PYGB: variants seen among roughly 807,000 people sequenced by gnomAD.
PYGB encodes the protein glycogen phosphorylase, brain form.
In PYGB, 82 loss-of-function variants were observed where a neutral mutation model predicts 94.3. The observed-to-expected ratio is 0.87, with a 90% CI of 0.73 to 1.04. The LOEUF is 1.04. Ranked by LOEUF, PYGB falls within the 50% of genes least tolerant of loss-of-function variation. The pLI is 0.00. For synonymous variants in PYGB, 488 were observed against 479.1 expected, an observed-to-expected ratio of 1.02 and a Z score of -0.24; for missense variants, 1,132 against 1,158.2, an observed-to-expected ratio of 0.98 and a Z score of 0.33.
chr20:25,291,557 C>T (rs2088467668), intron 16 of PYGB, among the ~76,000 whole-genome samples: 1 of 152,216 alleles, frequency 6.6e-6, no homozygotes, highest in Admixed American at 6.5e-5. Context: ...TGGTGCCTGG[C>T]AGGCGAGGTC....
chr20:25,248,171 C>G lies in PYGB; in HGVS notation c.-8C>G. 1 of 1,587,718 alleles carries G rather than the reference C, an allele frequency of 6.3e-7. No homozygotes were observed. The highest frequency in any genetic ancestry group is 2.3e-5 in the East Asian group (1 of 42,752). On this transcript the variant is annotated 5_prime_UTR_variant, in exon 1 of 20. Transcript: ENST00000216962. Reference sequence around the variant, plus strand: ...CTCCATCTCTTTTCCTCCGCCTCCGCCGGCGCGATGGCGAAGCCGCTGACG... The same window carrying G: ...CTCCATCTCTTTTCCTCCGCCTCCGGCGGCGCGATGGCGAAGCCGCTGACG...
At chr20:25,250,139 G>A (rs1259797821) in intron 1 of PYGB, among the ~76,000 whole-genome samples, 1 of 152,178 alleles carries the variant, frequency 6.6e-6, no homozygotes, top group Non-Finnish European at 1.5e-5. Context: ...GTGAGCCAAC[G>A]CACCCGACCC....
chr20:25,261,910 T>G (rs2092914475), intron 2 of PYGB, among the ~76,000 whole-genome samples: 1 of 151,934 alleles, frequency 6.6e-6, no homozygotes, highest in African/African-American at 2.4e-5. Flanking sequence ...TGACATGAAG[T>G]GAGAAGAGAA....
intron 2 of PYGB, among the ~76,000 whole-genome samples, chr20:25,263,456 C>T (rs1050272104): frequency 6.6e-6 from 1 of 151,974 alleles, no homozygotes; most frequent in Non-Finnish European, 1.5e-5. Context: ...GAGATAGAGA[C>T]ACAAAAAACT....
chr20:25,294,006 C>T, intron 17 of PYGB, 152 bp from the exon 18 acceptor site: 2 of 1,015,458 alleles, frequency 2.0e-6, no homozygotes, highest in African/African-American at 1.6e-5. Flanking sequence ...TCGTAACCAC[C>T]CATGGCCACT....
In PYGB at chr20:25,259,334, A is replaced by G. The variant is rs1434741361; in HGVS notation, c.341A>G (p.Tyr114Cys). The change falls in exon 2 of 20, where the codon TAT becomes TGT. Residue 114 changes from tyrosine to cysteine, a missense_variant. By Grantham distance (194) the Tyr-to-Cys change is radical (BLOSUM62 -2). Coordinates refer to ENST00000216962, the MANE Select transcript of PYGB (RefSeq NM_002862.4). ...CAGAATGCCTGCGATGAAGCCATCT[A>G]TCAGGTACAGAGCCTCATGGCCGGG... ...GLQNACDEAI[Y>C]QLGLDLEELE... The G allele has an allele frequency of 3.1e-6, 5 of 1,602,782 alleles. No homozygotes were observed. Among genetic ancestry groups the G allele is most frequent in the South Asian group, 1.1e-5 (1 of 90,812 alleles).
chr20:25,273,657 G>A (rs2088285765), intron 4 of PYGB, among the ~76,000 whole-genome samples: 2 of 152,136 alleles, frequency 1.3e-5, no homozygotes, highest in South Asian at 4.1e-4. Flanking sequence ...TTTTAGTGTG[G>A]GGGTTGGTTT....
In PYGB at chr20:25,296,575, C is replaced by T; in HGVS notation, c.*53C>T. ...GGCATTTGTTTTCTTGCTGACTTTG[C>T]ACCTCCTTTTTTCCCCAAACACTTT... is the stretch of plus-strand genomic sequence containing the variant. On this transcript the variant is annotated 3_prime_UTR_variant, in exon 20 of 20. Coordinates refer to ENST00000216962, the MANE Select transcript of PYGB (RefSeq NM_002862.4). 6.4e-7 allele frequency: 1 copy of T among 1,565,642 alleles called. No individual in the cohort carries two copies. Among genetic ancestry groups the T allele is most frequent in the Non-Finnish European group, 8.6e-7 (1 of 1,156,658 alleles).
chr20:25,254,176 T>A (rs8116542), intron 1 of PYGB, among the ~76,000 whole-genome samples: 28,677 of 152,084 alleles, frequency 0.19, 3,124 homozygotes, highest in East Asian at 0.34. Context: ...ACACCCACAG[T>A]AGAGCAGTTA....
intron 19 of PYGB, 108 bp from the exon 20 acceptor site, chr20:25,296,262 C>A: frequency 7.1e-7 from 1 of 1,399,970 alleles, no homozygotes; most frequent in Non-Finnish European, 1.0e-6. Context: ...CGGATGGCCC[C>A]AAGGCTCGGA....
At chr20:25,254,863 G>A (rs1329687714) in intron 1 of PYGB, among the ~76,000 whole-genome samples, 1 of 152,232 alleles carries the variant, frequency 6.6e-6, no homozygotes, top group Non-Finnish European at 1.5e-5. Flanking sequence ...GTGTCATGGA[G>A]TGTAGAAGGA....
intron 1 of PYGB, chr20:25,250,992 A>G (rs1185197172): frequency 6.6e-6 from 1 of 152,196 alleles, no homozygotes; most frequent in East Asian, 1.9e-4. Context: ...TACATAAAAT[A>G]ACATTATACT....
intron 18 of PYGB, among the ~76,000 whole-genome samples, chr20:25,295,397 C>T (rs1600747797): frequency 6.6e-6 from 1 of 152,218 alleles, no homozygotes; most frequent in African/African-American, 2.4e-5. Context: ...AAATATTGTC[C>T]CAGGACATAA....
chr20:25,281,205 T>G lies in PYGB; in HGVS notation c.1403+93T>G. 3 of 1,496,176 alleles carry G rather than the reference T, an allele frequency of 2.0e-6. No homozygotes were observed. The South Asian group carries it at 3.8e-5, about 19-fold the overall frequency. 92.7% of individuals were successfully genotyped at this position (1,496,176 alleles called of 1,614,324 possible). A position where few individuals can be genotyped will look rare whatever the true frequency, so the allele number is the denominator to read the frequency against. ...CACCAAACACATGGACCCAGCTATA[T>G]AGCATACAACCTGTGCCACTAGGCC... On this transcript the variant is annotated intron_variant, in intron 11 of 19. Transcript: ENST00000216962.
chr20:25,287,918 C>CT (rs1450560388), intron 14 of PYGB, among the ~76,000 whole-genome samples: 1 of 152,104 alleles, frequency 6.6e-6, no homozygotes, highest in Admixed American at 6.5e-5. Context: ...AAGGTAGAGG[C>CT]TGCAGTGAGC....
At position 25,288,492 on chromosome 20, in the gene PYGB, C is replaced by G; in HGVS notation, c.1827+9C>G. 1 of 1,613,932 alleles carries G rather than the reference C, an allele frequency of 6.2e-7. No homozygotes were observed. On this transcript the variant is annotated intron_variant, in intron 15 of 19. Transcript: ENST00000216962. ...TTATGATTGGGGGCAAGGTGAGTGA[C>G]TTCCTCTGCAGTCCTCTCTGTGGTG...
Position 25,294,201 on chromosome 20 carries a change from C to G in PYGB, c.2221C>G (p.Gln741Glu). 1 of 1,613,998 alleles carries G rather than the reference C, an allele frequency of 6.2e-7. No individual in the cohort carries two copies. ...CTACGACCACCTGCCCGAGCTGAAG[C>G]AGGCCGTGGACCAGATCAGCAGTGG... is the stretch of plus-strand genomic sequence containing the variant. Reference protein sequence around the residue: ...EYYDHLPELKQAVDQISSGFF... With the variant: ...EYYDHLPELKEAVDQISSGFF... The change falls in exon 18 of 20, where the codon CAG becomes GAG. Residue 741 changes from glutamine (Q) to glutamate (E), a missense_variant. Gln to Glu is a conservative substitution (Grantham distance 29). Coordinates refer to ENST00000216962, the MANE Select transcript of PYGB (RefSeq NM_002862.4).
intron 18 of PYGB, chr20:25,295,159 C>T: frequency 1.1e-6 from 1 of 948,542 alleles, no homozygotes; most frequent in Non-Finnish European, 1.7e-6. Flanking sequence ...ACATCAGGAA[C>T]TGCAAGTCAG....
chr20:25,284,251 C>A lies in PYGB; in HGVS notation c.1768C>A (p.Arg590=). 6.2e-7 allele frequency: 1 copy of A among 1,612,710 alleles called. No individual in the cohort carries two copies. Among genetic ancestry groups the A allele is most frequent in the Non-Finnish European group, 8.5e-7 (1 of 1,179,196 alleles). ...CCTGCACGTCGTCACCCTGTACAAT[C>A]GTGAGTGCCGGCATCACCTGCATGA... ...NCLHVVTLYN[R]IKRDPAKAFV... Residue 590 remains arginine, a splice_region_variant and synonymous_variant, in exon 14 of 20, where the codon CGA becomes AGA. Coordinates refer to ENST00000216962, the MANE Select transcript of PYGB (RefSeq NM_002862.4).
Sources: allele counts gnomAD v4.1 joint callset (sites outside exome capture counted in the v4.1 genomes callset), GRCh38; gene constraint gnomAD v4.1.1; transcripts MANE v1.5; gene names NCBI Gene and HGNC (gene_info 2026-07-23, HGNC 2026-07-21).